Variants in PDXDC1 observed in about 807,000 individuals in gnomAD.
PDXDC1 encodes pyridoxal dependent decarboxylase domain containing 1.
In PDXDC1, 42 loss-of-function variants were observed where a neutral mutation model predicts 100.1. The ratio of observed to expected loss-of-function variants is 0.42; its 90% CI spans 0.33 to 0.54. PDXDC1 has a LOEUF of 0.54. Ranked by LOEUF, PDXDC1 falls within the 20% of genes least tolerant of loss-of-function variation. The pLI is 0.10. For synonymous variants in PDXDC1, 260 were observed against 371.7 expected (o/e 0.70, Z 3.46); for missense variants, 636 against 979.2 (o/e 0.65, Z 4.68).
chr16:15,101,190 C>T (rs1348905581), intron 16 of PDXDC1, among the ~76,000 whole-genome samples: 2 of 152,104 alleles, frequency 1.3e-5, no homozygotes, highest in Non-Finnish European at 2.9e-5. Context: ...GCAGGTTCTC[C>T]GTAAATGACA....
the PDXDC1 span, among the ~76,000 whole-genome samples, chr16:15,150,256 G>A: frequency 6.6e-6 from 1 of 151,954 alleles, no homozygotes; most frequent in Non-Finnish European, 1.5e-5. Flanking sequence ...CAGGAGAATG[G>A]CGTGAACCCA....
At chr16:14,981,563 T>A (rs1441272954) in intron 1 of PDXDC1, among the ~76,000 whole-genome samples, 1 of 152,298 alleles carries the variant, frequency 6.6e-6, no homozygotes, top group Non-Finnish European at 1.5e-5. Context: ...GCTTCCCTAT[T>A]GTATGCTATT....
chr16:15,125,438 G>T lies in PDXDC1; in HGVS notation c.1400-13441G>T, dbSNP rs1320684258. The T allele has an allele frequency of 4.7e-6, 4 of 854,980 alleles. No individual in the cohort carries two copies. In the Admixed American group the frequency reaches 6.9e-5, roughly 15 times the overall value. The allele number at this position is 854,980 out of a possible 1,614,324, so 53.0% of individuals were successfully genotyped here. On this transcript the variant is annotated intron_variant, in intron 16 of 16. Coordinates refer to the PDXDC1 transcript ENST00000535621. The stretch of plus-strand genomic sequence containing the variant: ...TTCCGAGCAAACCTGCTCCCACGTG[G>T]TGTGACCACATGGAGCCACAGACAC...
intron 16 of PDXDC1, among the ~76,000 whole-genome samples, chr16:15,079,146 C>G (rs1391241068): frequency 7.0e-6 from 1 of 142,288 alleles, no homozygotes; most frequent in Non-Finnish European, 1.5e-5. Flanking sequence ...AATGGCAACA[C>G]CAAGATTCAA....
intron 16 of PDXDC1, among the ~76,000 whole-genome samples, chr16:15,051,886 G>C (rs2044306918): frequency 6.6e-6 from 1 of 151,908 alleles, no homozygotes; most frequent in Non-Finnish European, 1.5e-5. Context: ...GCTCTTTTAA[G>C]TAGTAAAAAG....
chr16:14,998,599 C>T (rs1425014840), intron 3 of PDXDC1, among the ~76,000 whole-genome samples, 194 bp downstream of exon 3: 1 of 152,282 alleles, frequency 6.6e-6, no homozygotes, highest in East Asian at 1.9e-4. Flanking sequence ...CAGGCGTGCA[C>T]CACCATATCT....
intron 16 of PDXDC1, among the ~76,000 whole-genome samples, chr16:15,101,187 C>A (rs2046532830): frequency 6.6e-6 from 1 of 152,172 alleles, no homozygotes; most frequent in South Asian, 2.1e-4. Context: ...AGGGCAGGTT[C>A]TCCGTAAATG....
intron 16 of PDXDC1, chr16:15,131,720 G>C: frequency 7.0e-7 from 1 of 1,434,570 alleles, no homozygotes; most frequent in African/African-American, 1.7e-5. Flanking sequence ...GCAGACAGAC[G>C]TGAGGTCAGT....
intron 13 of PDXDC1, among the ~76,000 whole-genome samples, chr16:15,024,800 C>T (rs1393084697): frequency 6.6e-6 from 1 of 152,300 alleles, no homozygotes; most frequent in Non-Finnish European, 1.5e-5. Flanking sequence ...TTCCTGGCCA[C>T]CCTAAGATCA....
intron 16 of PDXDC1, among the ~76,000 whole-genome samples, chr16:15,086,904 A>G (rs1410712290): frequency 6.6e-6 from 1 of 152,218 alleles, no homozygotes; most frequent in Admixed American, 6.5e-5. Flanking sequence ...ATGAATAAAC[A>G]TAACTTTTCT....
At chr16:15,012,898 A>G (rs2041444181) in intron 8 of PDXDC1, among the ~76,000 whole-genome samples, 1 of 152,224 alleles carries the variant, frequency 6.6e-6, no homozygotes, top group Non-Finnish European at 1.5e-5. Context: ...CAGGCCAGGC[A>G]CAGTGACTCA....
rs375230106 is a variant in PDXDC1 at position 14,984,764 on chromosome 16, TTACAGGC to T, written c.21+9545_21+9551del. 1.1e-3 allele frequency among the ~76,000 whole-genome samples: 165 copies of T among 152,268 alleles called. 2 individuals are homozygous for T. The East Asian group carries it at 0.031, about 28-fold the overall frequency. On this transcript the variant is annotated intron_variant, in intron 1 of 22. Coordinates refer to ENST00000396410, the MANE Select transcript of PDXDC1 (RefSeq NM_015027.4). Reference sequence around the variant, plus strand: ...GCCTCTGCCTCCCAAAGTGCCAGAATTACAGGCATGAGCCACCGCTGCCAGCCAAATG... The same window carrying T: ...GCCTCTGCCTCCCAAAGTGCCAGAATATGAGCCACCGCTGCCAGCCAAATG...
At chr16:15,029,069 CAGG>C (rs1348999768) in intron 15 of PDXDC1, 103 bp downstream of exon 15, 17 of 1,304,360 alleles carry the variant, frequency 1.3e-5, no homozygotes, top group Non-Finnish European at 1.7e-5. Context: ...CTGAGGCCCA[CAGG>C]AGGAGCCGCC....
chr16:15,029,977 G>T lies in PDXDC1; in HGVS notation c.1320G>T (p.Val440=). Residue 440 remains valine (V), a synonymous_variant, in exon 16 of 23, where the codon GTG becomes GTT. Transcript: ENST00000396410. ...TGGGAGAACAGCTGAAGCAGCTGGT[G>T]CCTGCAAGCGGCCTCACAGTCATGG... is the stretch of plus-strand genomic sequence containing the variant. The part of the protein sequence containing the change: ...RWLGEQLKQL[V]PASGLTVMDL... 6.4e-7 allele frequency: 1 copy of T among 1,554,878 alleles called. No individual in the cohort carries two copies. Among genetic ancestry groups the T allele is most frequent in the Non-Finnish European group, 8.7e-7 (1 of 1,148,718 alleles).
chr16:15,051,971 TTTC>T (rs1233263854), intron 16 of PDXDC1, among the ~76,000 whole-genome samples: 3 of 152,128 alleles, frequency 2.0e-5, no homozygotes, highest in African/African-American at 7.2e-5. Flanking sequence ...TAGTCCCAGT[TTTC>T]TTAACCTCTA....
chr16:15,032,905 C>T lies in PDXDC1; in HGVS notation c.1616C>T (p.Pro539Leu). The T allele has an allele frequency of 6.2e-7, 1 of 1,612,412 alleles. No individual in the cohort carries two copies. Among genetic ancestry groups the T allele is most frequent in the Non-Finnish European group, 8.5e-7 (1 of 1,178,412 alleles). ...NDDKSSLKSD[P>L]EGENIHAGLL... The stretch of plus-strand genomic sequence containing the variant: ...GATAAGAGCAGTTTGAAATCAGATC[C>T]CGAAGGGGAAAACATCCATGCTGGA... The change falls in exon 18 of 23, where the codon CCC becomes CTC. Residue 539 changes from proline to leucine, a missense_variant. Pro to Leu is a moderately conservative substitution (Grantham distance 98, BLOSUM62 -3). Transcript: ENST00000396410.
At chr16:15,056,064 C>A (rs1251380504) in intron 16 of PDXDC1, 2 of 398,442 alleles carry the variant, frequency 5.0e-6, no homozygotes, top group Non-Finnish European at 7.0e-6. Flanking sequence ...TCGGGCCGCG[C>A]GTCCCGCCTC....
chr16:15,072,324 G>A (rs1212502444), intron 16 of PDXDC1, among the ~76,000 whole-genome samples: 1 of 151,910 alleles, frequency 6.6e-6, no homozygotes, highest in Non-Finnish European at 1.5e-5. Context: ...AAGTTGGTTT[G>A]GGCTAGTTAC....
intron 1 of PDXDC1, among the ~76,000 whole-genome samples, chr16:14,982,552 C>CT (rs1377558550): frequency 2.0e-5 from 3 of 151,934 alleles, no homozygotes; most frequent in African/African-American, 7.2e-5. Context: ...GAGACTCCAT[C>CT]TCAAAAAAAA....
Sources: gnomAD v4.1 joint callset for allele counts (sites outside exome capture counted in the v4.1 genomes callset) on GRCh38, gnomAD v4.1.1 for gene constraint, MANE v1.5 for transcripts, NCBI Gene and HGNC (gene_info 2026-07-23, HGNC 2026-07-21) for gene names.